PACRG: variants seen among roughly 807,000 people sequenced by gnomAD.
PACRG encodes the protein parkin coregulated gene protein.
Under a neutral mutation model 29.7 loss-of-function variants are expected in PACRG, and 29 were observed. The observed-to-expected ratio is 0.98, with a 90% confidence interval of 0.73 to 1.33. PACRG has a LOEUF of 1.33. Ranked by LOEUF, PACRG falls within the 40% of genes most tolerant of loss-of-function variation. PACRG has a pLI of 0.00. For missense variants in PACRG, 279 were observed against 316.2 expected (o/e 0.88, Z 0.89); for synonymous variants, 116 against 118.7 (o/e 0.98, Z 0.15).
chr6:162,869,180 A>G (rs1294849740), intron 2 of PACRG, among the ~76,000 whole-genome samples: 1 of 152,144 alleles, frequency 6.6e-6, no homozygotes, highest in Admixed American at 6.5e-5. Flanking sequence ...ATTATCAGTA[A>G]AATGAAGGGG....
intron 2 of PACRG, among the ~76,000 whole-genome samples, chr6:162,966,496 A>G (rs1364525578): frequency 1.3e-5 from 1 of 77,074 alleles, no homozygotes; most frequent in African/African-American, 6.1e-5. Context: ...TTTTTTTTTG[A>G]GGCGGAGTCT....
At chr6:162,807,957 T>C (rs1258925987) in intron 1 of PACRG, among the ~76,000 whole-genome samples, 1 of 152,248 alleles carries the variant, frequency 6.6e-6, no homozygotes, top group Non-Finnish European at 1.5e-5. Context: ...TAAATTGTTA[T>C]ATTGTTATAA....
intron 2 of PACRG, chr6:163,054,015 A>G (rs574880894): frequency 1.3e-5 from 2 of 152,242 alleles, no homozygotes; most frequent in African/African-American, 4.8e-5. Context: ...TGAGGCTACA[A>G]AAAAATCAAA....
chr6:163,041,798 A>G (rs1383625035), intron 2 of PACRG, among the ~76,000 whole-genome samples: 1 of 152,224 alleles, frequency 6.6e-6, no homozygotes, highest in Non-Finnish European at 1.5e-5. Context: ...CATAGGAGGC[A>G]GGGGATTTTA....
At chr6:163,235,934 G>GTTT (rs1029845848) in intron 4 of PACRG, among the ~76,000 whole-genome samples, 1 of 151,166 alleles carries the variant, frequency 6.6e-6, no homozygotes. Flanking sequence ...GAAAAAAGTT[G>GTTT]TTTTTTTTGT....
intron 2 of PACRG, among the ~76,000 whole-genome samples, chr6:162,843,478 T>C (rs1409624361): frequency 8.5e-6 from 1 of 117,612 alleles, no homozygotes; most frequent in African/African-American, 3.3e-5. Context: ...TCTGTATTGG[T>C]TATTCTAGTT....
chr6:162,941,302 G>C (rs938453301), intron 2 of PACRG, among the ~76,000 whole-genome samples: 1 of 152,142 alleles, frequency 6.6e-6, no homozygotes, highest in Non-Finnish European at 1.5e-5. Flanking sequence ...TCCCTGTTCT[G>C]TTGGATTCTC....
intron 2 of PACRG, among the ~76,000 whole-genome samples, chr6:162,855,682 A>G (rs1323484321): frequency 1.3e-5 from 2 of 152,182 alleles, no homozygotes; most frequent in African/African-American, 4.8e-5. Flanking sequence ...ATGGGAATAG[A>G]TACCCCCAAT....
chr6:163,181,270 G>A (rs897727134), intron 4 of PACRG, among the ~76,000 whole-genome samples: 2 of 152,100 alleles, frequency 1.3e-5, no homozygotes, highest in African/African-American at 4.8e-5. Flanking sequence ...AAGAATACGT[G>A]ATGCAACCTC....
intron 2 of PACRG, among the ~76,000 whole-genome samples, chr6:162,858,896 G>A (rs989161292): frequency 9.2e-5 from 14 of 152,184 alleles, no homozygotes; most frequent in African/African-American, 3.4e-4. Context: ...GGGAAGAAGG[G>A]GTGGAGGGAA....
Position 163,202,073 on chromosome 6 carries a change from C to T in PACRG, c.613+112665C>T, listed in dbSNP as rs1470597995. Among the ~76,000 whole-genome samples the T allele has an allele frequency of 2.6e-5, 4 of 152,152 alleles. No homozygotes were observed. The South Asian group carries it at 6.2e-4, about 24-fold the overall frequency. Reference sequence around the variant, plus strand: ...GTGCGAGCAAACGCGGGGACCTGAGCAGGCCCGTTGGGGCAGCAGGAGGGC... The same window carrying T: ...GTGCGAGCAAACGCGGGGACCTGAGTAGGCCCGTTGGGGCAGCAGGAGGGC... On this transcript the variant is annotated intron_variant, in intron 4 of 4. Coordinates refer to ENST00000366888, the MANE Select transcript of PACRG (RefSeq NM_001080379.2).
intron 2 of PACRG, among the ~76,000 whole-genome samples, chr6:162,882,440 C>T (rs1162159255): frequency 1.3e-5 from 2 of 152,154 alleles, no homozygotes; most frequent in East Asian, 1.9e-4. Flanking sequence ...GACCCAGGGG[C>T]TCTCTCTACC....
At chr6:163,025,319 T>C (rs1807021834) in intron 2 of PACRG, among the ~76,000 whole-genome samples, 1 of 152,182 alleles carries the variant, frequency 6.6e-6, no homozygotes, top group African/African-American at 2.4e-5. Context: ...ACGATATGAT[T>C]CTATACCTAC....
chr6:162,801,874 T>C (rs984468924), intron 1 of PACRG, among the ~76,000 whole-genome samples: 3 of 152,164 alleles, frequency 2.0e-5, no homozygotes, highest in African/African-American at 7.2e-5. Context: ...CTACAAAAGT[T>C]GTAAATGGAC....
intron 4 of PACRG, among the ~76,000 whole-genome samples, chr6:163,118,018 A>G (rs1046772779): frequency 6.6e-6 from 1 of 152,198 alleles, no homozygotes; most frequent in African/African-American, 2.4e-5. Context: ...CTTAACTGGG[A>G]CATAGAAAAC....
intron 2 of PACRG, among the ~76,000 whole-genome samples, chr6:162,922,948 G>A (rs1797170327): frequency 6.6e-6 from 1 of 152,104 alleles, no homozygotes; most frequent in South Asian, 2.1e-4. Flanking sequence ...CGGATCATGT[G>A]GTGATTCTAT....
At chr6:163,226,251 A>T (rs1781790923) in intron 4 of PACRG, among the ~76,000 whole-genome samples, 1 of 152,210 alleles carries the variant, frequency 6.6e-6, no homozygotes, top group Non-Finnish European at 1.5e-5. Context: ...CAAAGTTTTG[A>T]TGAGACAGGA....
chr6:163,196,344 A>G (rs2128364543), intron 4 of PACRG, among the ~76,000 whole-genome samples: 1 of 151,786 alleles, frequency 6.6e-6, no homozygotes, highest in East Asian at 1.9e-4. Flanking sequence ...GTGACCTTTC[A>G]CTCTTTTCGC....
intron 1 of PACRG, among the ~76,000 whole-genome samples, chr6:162,794,659 A>T (rs1035685616): frequency 2.6e-5 from 4 of 152,204 alleles, no homozygotes; most frequent in African/African-American, 9.7e-5. Context: ...TTGCATGAAT[A>T]TGCAGTTGTC....
Sources: allele counts gnomAD v4.1 joint callset (sites outside exome capture counted in the v4.1 genomes callset), GRCh38; gene constraint gnomAD v4.1.1; transcripts MANE v1.5; gene names NCBI Gene and HGNC (gene_info 2026-07-23, HGNC 2026-07-21).